CACNA1E: variants seen among roughly 807,000 people sequenced by gnomAD.
CACNA1E encodes the protein voltage-dependent R-type calcium channel subunit alpha-1E.
CACNA1E carries 40 observed loss-of-function variants against 259.2 expected under a neutral mutation model. The ratio of observed to expected loss-of-function variants is 0.15; its 90% CI spans 0.12 to 0.20. The LOEUF (loss-of-function observed/expected upper bound fraction) is 0.20, where lower values mean the gene tolerates loss of function less well. Ranked by LOEUF, CACNA1E falls within the 10% of genes least tolerant of loss-of-function variation. CACNA1E has a pLI of 1.00. For synonymous variants in CACNA1E, 1,104 were observed against 1,138.5 expected, an observed-to-expected ratio of 0.97 and a Z score of 0.61; for missense variants, 1,874 against 3,040.1, an observed-to-expected ratio of 0.62 and a Z score of 9.02.
intron 7 of CACNA1E, among the ~76,000 whole-genome samples, chr1:181,688,573 T>A (rs1324138824): frequency 1.3e-5 from 2 of 152,234 alleles, no homozygotes; most frequent in Admixed American, 6.5e-5. Context: ...TACAAAGTGA[T>A]GTTTTGATAT....
At chr1:181,503,259 C>T (rs1025020949) in intron 1 of CACNA1E, among the ~76,000 whole-genome samples, 5 of 152,240 alleles carry the variant, frequency 3.3e-5, no homozygotes, top group African/African-American at 1.2e-4. Flanking sequence ...TATGATCTCA[C>T]CAGCATGATC....
chr1:181,749,786 A>G (rs1270615136), intron 25 of CACNA1E, among the ~76,000 whole-genome samples: 1 of 152,250 alleles, frequency 6.6e-6, no homozygotes, highest in Admixed American at 6.5e-5. Context: ...TTCACCTTCA[A>G]GCTGCACAGT....
chr1:181,348,043 G>T (rs2804703), intron 1 of CACNA1E, among the ~76,000 whole-genome samples: 4,192 of 152,284 alleles, frequency 0.028, 153 homozygotes, highest in African/African-American at 0.081. Context: ...TTCCACCCAG[G>T]CTTGGTTCCT....
At chr1:181,536,195 C>A (rs1026550278) in intron 3 of CACNA1E, among the ~76,000 whole-genome samples, 5 of 152,080 alleles carry the variant, frequency 3.3e-5, no homozygotes, top group African/African-American at 9.6e-5. Context: ...CTTTCAAATT[C>A]TCTGCTTCTC....
intron 2 of CACNA1E, among the ~76,000 whole-genome samples, chr1:181,452,070 C>A (rs1661188839): frequency 6.6e-6 from 1 of 152,208 alleles, no homozygotes; most frequent in South Asian, 2.1e-4. Context: ...TTGTTTCCCA[C>A]AAAGTAACTT....
intron 1 of CACNA1E, among the ~76,000 whole-genome samples, chr1:181,496,825 T>A (rs1664794082): frequency 6.6e-6 from 1 of 152,224 alleles, no homozygotes; most frequent in South Asian, 2.1e-4. Flanking sequence ...TGCCTCTCCT[T>A]TCTGCTAACT....
At chr1:181,578,470 G>A (rs1460668454) in intron 4 of CACNA1E, among the ~76,000 whole-genome samples, 2 of 152,222 alleles carry the variant, frequency 1.3e-5, no homozygotes, top group African/African-American at 4.8e-5. Flanking sequence ...AGGAAGCTGA[G>A]GTGGGAGGAT....
chr1:181,612,424 A>G (rs562943725), intron 6 of CACNA1E, among the ~76,000 whole-genome samples: 1 of 152,210 alleles, frequency 6.6e-6, no homozygotes, highest in African/African-American at 2.4e-5. Flanking sequence ...TTTATTTTTC[A>G]TTGGAATGCT....
chr1:181,734,253 T>C (rs1326051811), intron 21 of CACNA1E, among the ~76,000 whole-genome samples: 2 of 152,144 alleles, frequency 1.3e-5, no homozygotes, highest in East Asian at 3.9e-4. Flanking sequence ...ACTAACATTT[T>C]ATATGATTCT....
chr1:181,716,296 T>TAAAAA (rs35884110), intron 10 of CACNA1E, among the ~76,000 whole-genome samples, 167 bp downstream of exon 10: 1 of 141,012 alleles, frequency 7.1e-6, no homozygotes. Context: ...ATGATTTATT[T>TAAAAA]AAAAAAAAAA....
chr1:181,783,982 A>C (rs1482086617), intron 40 of CACNA1E, among the ~76,000 whole-genome samples, 198 bp downstream of exon 40: 1 of 152,226 alleles, frequency 6.6e-6, no homozygotes, highest in African/African-American at 2.4e-5. Flanking sequence ...GATAATCTCT[A>C]GGGCTTCTTT....
intron 1 of CACNA1E, among the ~76,000 whole-genome samples, chr1:181,365,374 G>A (rs973299612): frequency 2.0e-5 from 3 of 152,168 alleles, no homozygotes; most frequent in Non-Finnish European, 4.4e-5. Context: ...GTCCTGCTAC[G>A]TTGCCCAGGC....
At chr1:181,595,396 C>G (rs2103039784) in intron 6 of CACNA1E, among the ~76,000 whole-genome samples, 1 of 152,320 alleles carries the variant, frequency 6.6e-6, no homozygotes, top group East Asian at 1.9e-4. Context: ...CCTCCCTCGT[C>G]CCCTGCACAC....
intron 38 of CACNA1E, 39 bp from the exon 39 acceptor site, chr1:181,781,384 CCGCT>C (rs1660416995): frequency 2.1e-6 from 2 of 971,670 alleles, no homozygotes; most frequent in African/African-American, 3.2e-5. Flanking sequence ...CCCCACTGCC[CCGCT>C]AACCCACCCC....
chr1:181,329,947 A>G (rs1416210044), intron 1 of CACNA1E, among the ~76,000 whole-genome samples: 1 of 152,196 alleles, frequency 6.6e-6, no homozygotes, highest in Non-Finnish European at 1.5e-5. Context: ...TACAGGTCCA[A>G]GGGAGTGGAG....
At chr1:181,357,091 T>C (rs1339384889) in intron 1 of CACNA1E, among the ~76,000 whole-genome samples, 1 of 152,124 alleles carries the variant, frequency 6.6e-6, no homozygotes, top group African/African-American at 2.4e-5. Flanking sequence ...TTGAATTCGC[T>C]CCCTTCCTCC....
chr1:181,418,075 A>G (rs988872905), intron 2 of CACNA1E, among the ~76,000 whole-genome samples: 3 of 152,168 alleles, frequency 2.0e-5, no homozygotes, highest in Non-Finnish European at 4.4e-5. Context: ...GCAGAATCCA[A>G]TGGGTGTTCC....
At chr1:181,503,513 T>C (rs369505732) in intron 1 of CACNA1E, among the ~76,000 whole-genome samples, 1 of 152,200 alleles carries the variant, frequency 6.6e-6, no homozygotes, top group African/African-American at 2.4e-5. Flanking sequence ...CCCATTACCA[T>C]AATTTTCTTT....
chr1:181,398,839 C>T (rs1656880915), intron 1 of CACNA1E, among the ~76,000 whole-genome samples: 1 of 152,204 alleles, frequency 6.6e-6, no homozygotes. Flanking sequence ...AACCAACACC[C>T]CTTTGAAATC....
Sources: allele counts gnomAD v4.1 joint callset (sites outside exome capture counted in the v4.1 genomes callset), GRCh38; gene constraint gnomAD v4.1.1; transcripts MANE v1.5; gene names NCBI Gene and HGNC (gene_info 2026-07-23, HGNC 2026-07-21).